The following PDE1C variants were observed in gnomAD, a reference collection of about 807,000 sequenced individuals.
PDE1C encodes phosphodiesterase 1C, also known as dual specificity calcium/calmodulin-dependent 3',5'-cyclic nucleotide phosphodiesterase 1C.
A neutral mutation model predicts 93.1 loss-of-function variants in PDE1C; 62 were observed. The observed-to-expected ratio is 0.67, with a 90% confidence interval of 0.54 to 0.82. The LOEUF is 0.82. Among genes scored for constraint, PDE1C ranks in the 40% least tolerant of loss-of-function variants. PDE1C has a pLI of 0.00. For missense variants in PDE1C, 742 were observed against 884.6 expected, an observed-to-expected ratio of 0.84 and a Z score of 2.04; for synonymous variants, 325 against 310.1, an observed-to-expected ratio of 1.05 and a Z score of -0.50.
chr7:31,759,284 G>A (rs941614842), intron 17 of PDE1C, among the ~76,000 whole-genome samples: 4 of 152,232 alleles, frequency 2.6e-5, no homozygotes, highest in Admixed American at 2.0e-4. Flanking sequence ...TGGGGTCCTG[G>A]TATGGCCTTC....
At chr7:31,663,643 C>T in the PDE1C span, among the ~76,000 whole-genome samples, 1 of 152,148 alleles carries the variant, frequency 6.6e-6, no homozygotes, top group South Asian at 2.1e-4. Context: ...ATATTCTGTT[C>T]AGGACTTTTA....
intron 1 of PDE1C, among the ~76,000 whole-genome samples, chr7:32,222,887 C>A (rs1048079556): frequency 6.6e-6 from 1 of 152,196 alleles, no homozygotes; most frequent in African/African-American, 2.4e-5. Context: ...CCCCTCCCCA[C>A]AAAATTCATC....
At chr7:31,739,202 C>G in the PDE1C span, among the ~76,000 whole-genome samples, 1 of 113,282 alleles carries the variant, frequency 8.8e-6, no homozygotes, top group South Asian at 2.3e-4. Context: ...AACTTTTAGA[C>G]ACACACACAC....
At chr7:31,800,942 T>A (rs1423317725) in intron 16 of PDE1C, among the ~76,000 whole-genome samples, 1 of 151,204 alleles carries the variant, frequency 6.6e-6, no homozygotes, top group African/African-American at 2.4e-5. Context: ...AGAAAGTATT[T>A]TGAGCTGAAT....
At chr7:31,899,187 G>T (rs1381732048) in intron 2 of PDE1C, among the ~76,000 whole-genome samples, 1 of 139,710 alleles carries the variant, frequency 7.2e-6, no homozygotes, top group African/African-American at 2.7e-5. Flanking sequence ...CGCCCAGGCT[G>T]CAGTGCAGTG....
chr7:31,707,573 T>A, the PDE1C span: 1 of 332,320 alleles, frequency 3.0e-6, no homozygotes, highest in Non-Finnish European at 5.5e-6. Context: ...TGGGGTTCGG[T>A]TTCTGCATCT....
At position 31,801,877 on chromosome 7, in the gene PDE1C, ATTGTTT is replaced by A. The variant is rs370057232; in HGVS notation, c.1891+7148_1891+7153del. Among the ~76,000 whole-genome samples, 487 of 150,826 alleles carry A rather than the reference ATTGTTT, an allele frequency of 3.2e-3. 6 individuals carry two copies. Among genetic ancestry groups the A allele is most frequent in the African/African-American group, 0.011 (439 of 41,230 alleles). ...TTTGTGCTGTTTGTGTCCTTTTTTG[ATTGTTT>A]TTGTTTTTATTTGTATATGTTTATG... is the stretch of plus-strand genomic sequence containing the variant. On this transcript the variant is annotated intron_variant, in intron 16 of 17. Coordinates refer to ENST00000396191, the MANE Select transcript of PDE1C (RefSeq NM_001191057.4).
chr7:32,347,041 G>A (rs1653889), intron 1 of PDE1C, among the ~76,000 whole-genome samples: 77,053 of 152,110 alleles, frequency 0.51, 22,272 homozygotes, highest in Admixed American at 0.66. Context: ...AAAACAAACT[G>A]AACTGCACAC....
chr7:31,982,209 G>A (rs1477206666), intron 2 of PDE1C, among the ~76,000 whole-genome samples: 2 of 152,186 alleles, frequency 1.3e-5, no homozygotes, highest in East Asian at 1.9e-4. Context: ...CCATCCAGTC[G>A]AGGTTCCCTA....
chr7:31,626,258 G>A, the PDE1C span, among the ~76,000 whole-genome samples: 1 of 152,142 alleles, frequency 6.6e-6, no homozygotes, highest in Non-Finnish European at 1.5e-5. Context: ...TACTTTGTGT[G>A]ACTAAAGATA....
downstream of PDE1C, among the ~76,000 whole-genome samples, chr7:31,749,341 T>C (rs1189555802): frequency 6.6e-6 from 1 of 152,082 alleles, no homozygotes; most frequent in African/African-American, 2.4e-5. Context: ...GATATATTTA[T>C]TGGGTTCTTT....
At chr7:31,721,005 C>G in the PDE1C span, among the ~76,000 whole-genome samples, 2 of 152,176 alleles carry the variant, frequency 1.3e-5, no homozygotes. Context: ...TAGGCCCCAT[C>G]ACCAAATCCT....
At chr7:32,128,883 AC>A (rs1264481684) in intron 3 of PDE1C, among the ~76,000 whole-genome samples, 1 of 135,514 alleles carries the variant, frequency 7.4e-6, no homozygotes, top group Admixed American at 7.8e-5. Flanking sequence ...GTGCACATGT[AC>A]CCTAGAACTT....
intron 1 of PDE1C, among the ~76,000 whole-genome samples, chr7:32,332,971 T>C (rs898413031): frequency 6.6e-6 from 1 of 151,924 alleles, no homozygotes; most frequent in African/African-American, 2.4e-5. Flanking sequence ...CACAGGAGAG[T>C]CCATTTCATG....
intron 1 of PDE1C, among the ~76,000 whole-genome samples, chr7:32,326,642 A>T (rs979144953): frequency 1.3e-5 from 2 of 152,240 alleles, no homozygotes; most frequent in African/African-American, 4.8e-5. Flanking sequence ...TAGTGAGTTT[A>T]TACAGAGGAC....
intron 1 of PDE1C, among the ~76,000 whole-genome samples, chr7:32,353,722 T>A (rs1783976558): frequency 6.6e-6 from 1 of 152,206 alleles, no homozygotes. Flanking sequence ...TTGTTTTAAA[T>A]TTCTTGCATG....
the PDE1C span, chr7:31,687,076 G>A: frequency 2.0e-5 from 3 of 152,198 alleles, no homozygotes; most frequent in Non-Finnish European, 4.4e-5. Flanking sequence ...TACAATGATT[G>A]CCGTGGAGAG....
At chr7:31,967,983 C>T (rs1810298276) in intron 2 of PDE1C, among the ~76,000 whole-genome samples, 1 of 152,140 alleles carries the variant, frequency 6.6e-6, no homozygotes. Context: ...CTGTCTATGA[C>T]AAACCCACAG....
At position 31,977,671 on chromosome 7, in the gene PDE1C, A is replaced by G. The variant is rs917342565; in HGVS notation, c.128+73883T>C. On this transcript the variant is annotated intron_variant, in intron 2 of 17. Transcript: ENST00000396191. ...ATAACACTTAGTACAACCTGATTTT[A>G]TTTACTTGTGTGTTCATCTTGTTTG... Among the ~76,000 whole-genome samples the G allele has an allele frequency of 1.2e-4, 18 of 152,182 alleles. 1 individual carries two copies. The highest frequency in any genetic ancestry group is 4.3e-4 in the African/African-American group (18 of 41,454).
Sources: allele counts gnomAD v4.1 joint callset (sites outside exome capture counted in the v4.1 genomes callset), GRCh38; gene constraint gnomAD v4.1.1; transcripts MANE v1.5; gene names NCBI Gene and HGNC (gene_info 2026-07-23, HGNC 2026-07-21).